The following FRMD4A variants were observed in gnomAD, a reference collection of about 807,000 sequenced individuals.
The protein encoded by FRMD4A is FERM domain containing 4A, also known as FERM domain-containing protein 4A.
In FRMD4A, 29 loss-of-function variants were observed where a neutral mutation model predicts 129.1. The observed-to-expected ratio is 0.22, with a 90% confidence interval of 0.17 to 0.31. FRMD4A has a LOEUF of 0.31. Ranked by LOEUF, FRMD4A falls within the 10% of genes least tolerant of loss-of-function variation. The pLI, the probability that FRMD4A is intolerant of heterozygous loss-of-function variation, is 1.00. For synonymous variants in FRMD4A, 634 were observed against 571.6 expected, an observed-to-expected ratio of 1.11 and a Z score of -1.56; for missense variants, 1,272 against 1,375.8, an observed-to-expected ratio of 0.92 and a Z score of 1.19.
intron 2 of FRMD4A, among the ~76,000 whole-genome samples, chr10:13,903,034 G>A (rs1258864668): frequency 6.6e-6 from 1 of 151,996 alleles, no homozygotes; most frequent in African/African-American, 2.4e-5. Flanking sequence ...GGCTTTTACT[G>A]TGCTCCGGGC....
chr10:13,682,037 T>A (rs377747150), intron 15 of FRMD4A, among the ~76,000 whole-genome samples: 7 of 151,108 alleles, frequency 4.6e-5, no homozygotes, highest in South Asian at 2.1e-4. Context: ...TTGGGCAACA[T>A]AGCCAGACCT....
intron 2 of FRMD4A, among the ~76,000 whole-genome samples, chr10:14,315,539 C>T (rs2132111666): frequency 6.6e-6 from 1 of 152,284 alleles, no homozygotes; most frequent in South Asian, 2.1e-4. Context: ...ATATCACTGG[C>T]AGAGTGATCC....
At position 14,316,436 on chromosome 10, in the gene FRMD4A, C is replaced by A. The variant is rs867403366; in HGVS notation, c.45+13622G>T. 2.7e-5 allele frequency among the ~76,000 whole-genome samples: 4 copies of A among 148,218 alleles called. 1 individual carries two copies. Among genetic ancestry groups the A allele is most frequent in the South Asian group, 4.3e-4 (2 of 4,698 alleles). ...ATTCCTCGATCTTGGATTTCTCTGT[C>A]CAGTGGAACTGTGAAAAAATAGATT... On this transcript the variant is annotated intron_variant, in intron 2 of 24. Coordinates refer to ENST00000357447, the MANE Select transcript of FRMD4A (RefSeq NM_018027.5).
chr10:14,039,892 C>T (rs1243352582), intron 2 of FRMD4A, among the ~76,000 whole-genome samples: 1 of 152,138 alleles, frequency 6.6e-6, no homozygotes, highest in African/African-American at 2.4e-5. Flanking sequence ...AAATAAATTT[C>T]CTAAATTGAG....
chr10:14,019,697 G>A (rs999856), intron 2 of FRMD4A, among the ~76,000 whole-genome samples: 13,023 of 152,178 alleles, frequency 0.086, 952 homozygotes, highest in East Asian at 0.26. Flanking sequence ...ATATAAACAG[G>A]GGATTTGAGC....
chr10:14,055,934 TTCTC>T (rs1201671961), intron 2 of FRMD4A, among the ~76,000 whole-genome samples: 1 of 152,230 alleles, frequency 6.6e-6, no homozygotes, highest in East Asian at 1.9e-4. Flanking sequence ...GTCTTATTAA[TTCTC>T]TCTCTTTTTT....
intron 2 of FRMD4A, among the ~76,000 whole-genome samples, chr10:14,009,754 G>T (rs2095674549): frequency 6.6e-6 from 1 of 152,192 alleles, no homozygotes; most frequent in Non-Finnish European, 1.5e-5. Flanking sequence ...CAACAATTGG[G>T]CTTTGTTCGT....
At chr10:13,992,491 C>A (rs947502940) in intron 2 of FRMD4A, among the ~76,000 whole-genome samples, 3 of 152,188 alleles carry the variant, frequency 2.0e-5, no homozygotes, top group African/African-American at 7.2e-5. Context: ...GTCACATGGC[C>A]AGCCCCAGTC....
intron 2 of FRMD4A, among the ~76,000 whole-genome samples, chr10:14,286,058 T>C (rs1845671148): frequency 6.6e-6 from 1 of 152,262 alleles, no homozygotes; most frequent in Non-Finnish European, 1.5e-5. Context: ...AGAATTCTTC[T>C]CATGTATCAT....
At chr10:13,878,764 A>G (rs1202502405) in intron 2 of FRMD4A, among the ~76,000 whole-genome samples, 1 of 147,860 alleles carries the variant, frequency 6.8e-6, no homozygotes, top group South Asian at 2.2e-4. Flanking sequence ...AAACATAGAA[A>G]GAAAAGAAAG....
chr10:14,024,122 A>G (rs1312434231), intron 2 of FRMD4A, among the ~76,000 whole-genome samples: 3 of 152,226 alleles, frequency 2.0e-5, no homozygotes, highest in Non-Finnish European at 4.4e-5. Context: ...CTTGATTCTA[A>G]ACCCACATCT....
At chr10:13,884,144 T>TCACCCACACACACACTCGCACACACA in intron 2 of FRMD4A, among the ~76,000 whole-genome samples, 1 of 105,162 alleles carries the variant, frequency 9.5e-6, no homozygotes, top group East Asian at 2.8e-4. Context: ...TCACACACAC[T>TCACCCACACACACACTCGCACACACA]CTCACACACT....
chr10:14,128,096 CTTTCTTTCT>C (rs1839025310), intron 2 of FRMD4A, among the ~76,000 whole-genome samples: 2 of 50,100 alleles, frequency 4.0e-5, no homozygotes, highest in African/African-American at 7.3e-5. Context: ...TTCTTTCTTT[CTTTCTTTCT>C]TTTCTTTTCT....
chr10:13,923,563 G>A (rs2095097413), intron 2 of FRMD4A, among the ~76,000 whole-genome samples: 2 of 152,114 alleles, frequency 1.3e-5, no homozygotes, highest in Admixed American at 6.5e-5. Flanking sequence ...ATTCTAATCG[G>A]CAAATGGCCC....
chr10:13,713,164 C>T (rs1047772859), intron 12 of FRMD4A, among the ~76,000 whole-genome samples: 8 of 152,356 alleles, frequency 5.3e-5, no homozygotes, highest in Admixed American at 2.6e-4. Flanking sequence ...CTATGAGTAA[C>T]TTCCTGTTTC....
At chr10:13,653,552 G>T (rs2081865551) in intron 23 of FRMD4A, 1 of 152,270 alleles carries the variant, frequency 6.6e-6, no homozygotes, top group Non-Finnish European at 1.5e-5. Flanking sequence ...TTCTGGAATT[G>T]TGCTTTTCTC....
intron 2 of FRMD4A, among the ~76,000 whole-genome samples, chr10:14,236,677 C>T (rs1013434353): frequency 3.3e-5 from 5 of 152,148 alleles, no homozygotes; most frequent in South Asian, 2.1e-4. Context: ...TGGCCCTGCT[C>T]GGGTGTCATA....
At chr10:13,836,353 C>A (rs981361650) in intron 3 of FRMD4A, among the ~76,000 whole-genome samples, 2 of 152,180 alleles carry the variant, frequency 1.3e-5, no homozygotes, top group African/African-American at 4.8e-5. Context: ...AAGAAACTCT[C>A]ATAGCACTCA....
In FRMD4A at chr10:13,646,019, C is replaced by G. The variant is rs76397645; in HGVS notation, c.*1019G>C. ...TTGAGTCTTGGGCTCGGCTGAACCCCCTGCATGGACCGGGGCTAACAGTAC... is the reference window on the plus strand; with the variant it reads ...TTGAGTCTTGGGCTCGGCTGAACCCGCTGCATGGACCGGGGCTAACAGTAC... On this transcript the variant is annotated 3_prime_UTR_variant, in exon 25 of 25. Coordinates refer to ENST00000357447, the MANE Select transcript of FRMD4A (RefSeq NM_018027.5). 1.3e-5 allele frequency: 2 copies of G among 152,384 alleles called. No individual in the cohort carries two copies. Among genetic ancestry groups the G allele is most frequent in the Non-Finnish European group, 2.9e-5 (2 of 68,052 alleles). The allele number at this position is 152,384 out of a possible 1,614,324, so 9.4% of individuals were successfully genotyped here.
Sources: gnomAD v4.1 joint callset for allele counts (sites outside exome capture counted in the v4.1 genomes callset) on GRCh38, gnomAD v4.1.1 for gene constraint, MANE v1.5 for transcripts, NCBI Gene and HGNC (gene_info 2026-07-23, HGNC 2026-07-21) for gene names.